The following C16orf86 variants were observed in gnomAD, a reference collection of about 807,000 sequenced individuals.
C16orf86 encodes uncharacterized protein C16orf86.
Under a neutral mutation model 21.5 loss-of-function variants are expected in C16orf86, and 19 were observed. That is an observed-to-expected ratio of 0.88 (90% confidence interval 0.62 to 1.30). The LOEUF is 1.30. C16orf86 is among the 50% of genes most tolerant of loss of function. The pLI, the probability that C16orf86 is intolerant of heterozygous loss-of-function variation, is 0.00. For synonymous variants in C16orf86, 188 were observed against 183.5 expected, an observed-to-expected ratio of 1.02 and a Z score of -0.20; for missense variants, 391 against 415.8, an observed-to-expected ratio of 0.94 and a Z score of 0.52.
rs2053139440 is a variant in C16orf86, at chr16:67,668,738, A to G, written c.*138A>G. 2 of 690,782 alleles carry G rather than the reference A, an allele frequency of 2.9e-6. No individual in the cohort carries two copies. The highest frequency in any genetic ancestry group is 1.8e-5 in the South Asian group (1 of 54,270). The allele number at this position is 690,782 out of a possible 1,614,324, so 42.8% of individuals were successfully genotyped here. On this transcript the variant is annotated 3_prime_UTR_variant, in exon 4 of 4. Coordinates refer to ENST00000403458, the MANE Select transcript of C16orf86 (RefSeq NM_001012984.3). ...GGGACTTTGGTCTTGCTGAAAATAA[A>G]TATTTTTCTTTTTCAAAGACTTTGT...
In C16orf86 at chr16:67,667,503, G is replaced by GAGAGA; in HGVS notation, c.310_311insAGAGA (p.Gly104GlufsTer77). The GAGAGA allele has an allele frequency of 6.2e-7, 1 of 1,606,628 alleles. No individual in the cohort carries two copies. Among genetic ancestry groups the GAGAGA allele is most frequent in the African/African-American group, 1.3e-5 (1 of 74,944 alleles). On this transcript the variant is annotated frameshift_variant, in exon 2 of 4. Transcript: ENST00000403458. LOFTEE classifies it high-confidence loss of function. ...GGTCTCCATTGTGAGGCCCCGTCATGGTCCAAAGAGAAAGCCTGTCAAGTG... is the reference window on the plus strand; with the variant it reads ...GGTCTCCATTGTGAGGCCCCGTCATGAGAGAGTCCAAAGAGAAAGCCTGTCAAGTG...
At position 67,668,455 on chromosome 16, in the gene C16orf86, C is replaced by A; in HGVS notation, c.809C>A (p.Ala270Asp). Residue 270 changes from alanine (A) to aspartate (D), a missense_variant, in exon 4 of 4, where the codon GCT (alanine) becomes GAT (aspartate). Ala to Asp is a moderately radical substitution (Grantham distance 126). Transcript: ENST00000403458. ...THALAPLGEE[A>D]GEEPGGLPSL... Reference sequence around the variant, plus strand: ...GCCCTGGCTCCCCTCGGAGAGGAGGCTGGAGAGGAGCCTGGGGGCTTGCCC... The same window carrying A: ...GCCCTGGCTCCCCTCGGAGAGGAGGATGGAGAGGAGCCTGGGGGCTTGCCC... 1 of 1,612,382 alleles carries A rather than the reference C, an allele frequency of 6.2e-7. No homozygotes were observed. Among genetic ancestry groups the A allele is most frequent in the Non-Finnish European group, 8.5e-7 (1 of 1,179,574 alleles).
Position 67,667,442 on chromosome 16 carries a change from T to C in C16orf86, c.249T>C (p.His83=). The C allele has an allele frequency of 6.2e-7, 1 of 1,611,832 alleles. No homozygotes were observed. Among genetic ancestry groups the C allele is most frequent in the Non-Finnish European group, 8.5e-7 (1 of 1,179,624 alleles). ...TGGGGGAGGAGCGGCCCAAGCCGCA[T>C]GCCGGGGCGCTAGAGGAGAGAGGCC... ...PKLGEERPKP[H]AGALEERGPR... The change falls in exon 2 of 4, where the codon CAT becomes CAC. Residue 83 remains histidine, a synonymous_variant. Transcript: ENST00000403458.
In C16orf86 at chr16:67,667,870, T is replaced by C; in HGVS notation, c.333-8T>C. On this transcript the variant is annotated splice_region_variant and splice_polypyrimidine_tract_variant and intron_variant, in intron 2 of 3. Coordinates refer to ENST00000403458, the MANE Select transcript of C16orf86 (RefSeq NM_001012984.3). ...GAGCCTGGCTCAAGTCTCTTGTCCCTGGCTCAGGTCTCTCAGCCTCCCGGG... is the reference window on the plus strand; with the variant it reads ...GAGCCTGGCTCAAGTCTCTTGTCCCCGGCTCAGGTCTCTCAGCCTCCCGGG... The C allele has an allele frequency of 6.4e-7, 1 of 1,562,224 alleles. No individual in the cohort carries two copies. Among genetic ancestry groups the C allele is most frequent in the Non-Finnish European group, 8.7e-7 (1 of 1,153,852 alleles).
In C16orf86 at chr16:67,668,257, T is replaced by C; in HGVS notation, c.611T>C (p.Leu204Pro). The change falls in exon 4 of 4, where the codon CTG becomes CCG. Residue 204 changes from leucine to proline, a missense_variant. Physicochemically the swap from Leu to Pro is moderately conservative, Grantham distance 98. Coordinates refer to ENST00000403458, the MANE Select transcript of C16orf86 (RefSeq NM_001012984.3). ...TACGTCAACTATTGCAACCCTGAGC[T>C]GAACCAGGCAGGGAAGGGGGACGGG... ...YQYVNYCNPELNQAGKGDGEA... is the reference protein window; with the variant it reads ...YQYVNYCNPEPNQAGKGDGEA... 1 of 1,605,984 alleles carries C rather than the reference T, an allele frequency of 6.2e-7. No homozygotes were observed. Among genetic ancestry groups the C allele is most frequent in the Middle Eastern group, 1.7e-4 (1 of 6,022 alleles).
In C16orf86 at chr16:67,668,668, T is replaced by C; in HGVS notation, c.*68T>C. 6.7e-7 allele frequency: 1 copy of C among 1,496,176 alleles called. No individual in the cohort carries two copies. Among genetic ancestry groups the C allele is most frequent in the Non-Finnish European group, 9.2e-7 (1 of 1,082,834 alleles). 92.7% of individuals were successfully genotyped at this position (1,496,176 alleles called of 1,614,324 possible). ...TTTGGCTTCAGGCTTCCTGTGGGCC[T>C]AGGCCCTCTGGTGGCGGGGGCAAAT... On this transcript the variant is annotated 3_prime_UTR_variant, in exon 4 of 4. Transcript: ENST00000403458.
rs780112536 is a variant in C16orf86 at position 67,667,956 on chromosome 16, G to A, written c.411G>A (p.Glu137=). ...ELPPKLPLQE[E]EPEDSQSEPS... The stretch of plus-strand genomic sequence containing the variant: ...CACCCAAGCTGCCGCTGCAGGAGGA[G>A]GAGCCAGAGGACAGCCAGAGTGAGC... Residue 137 remains glutamate, a synonymous_variant, in exon 3 of 4, where the codon GAG becomes GAA. Coordinates refer to ENST00000403458, the MANE Select transcript of C16orf86 (RefSeq NM_001012984.3). The A allele has an allele frequency of 1.6e-5, 26 of 1,613,278 alleles. No individual in the cohort carries two copies. Among genetic ancestry groups the A allele is most frequent in the Non-Finnish European group, 2.0e-5 (24 of 1,179,866 alleles).
chr16:67,667,639 C>T, intron 2 of C16orf86, 114 bp downstream of exon 2: 2 of 1,543,944 alleles, frequency 1.3e-6, no homozygotes, highest in South Asian at 2.4e-5. Context: ...CAGCCACTAC[C>T]ATCACTCTCC....
rs554751435 is a variant in C16orf86, at chr16:67,668,273, G to C, written c.627G>C (p.Lys209Asn). Residue 209 changes from lysine (K) to asparagine (N), a missense_variant, in exon 4 of 4, where the codon AAG becomes AAC. Coordinates refer to ENST00000403458, the MANE Select transcript of C16orf86 (RefSeq NM_001012984.3). ...YCNPELNQAG[K>N]GDGEAEVEAE... ...ACCCTGAGCTGAACCAGGCAGGGAA[G>C]GGGGACGGGGAGGCTGAGGTGGAGG... 614 of 1,609,862 alleles carry C rather than the reference G, an allele frequency of 3.8e-4. 5 individuals carry two copies. In the South Asian group the frequency reaches 6.5e-3, roughly 17 times the overall value.
At position 67,668,472 on chromosome 16, in the gene C16orf86, G is replaced by C. The variant is rs182901663; in HGVS notation, c.826G>C (p.Gly276Arg). ...AGAGGAGGCTGGAGAGGAGCCTGGG[G>C]GCTTGCCCAGCTTGGGGGTGAGTGA... is the stretch of plus-strand genomic sequence containing the variant. Reference protein sequence around the residue: ...LGEEAGEEPGGLPSLGVSDHK... With the variant: ...LGEEAGEEPGRLPSLGVSDHK... The change falls in exon 4 of 4, where the codon GGC becomes CGC. Residue 276 changes from glycine (G) to arginine (R), a missense_variant. Transcript: ENST00000403458. 1,677 of 1,613,062 alleles carry C rather than the reference G, an allele frequency of 1.0e-3. 41 individuals carry two copies. In the East Asian group the frequency reaches 0.027, roughly 26 times the overall value.
chr16:67,667,683 G>T, intron 2 of C16orf86, 158 bp downstream of exon 2: 1 of 1,535,754 alleles, frequency 6.5e-7, no homozygotes. Flanking sequence ...GTAGGGAGCA[G>T]CAGGAGAGTG....
At chr16:67,667,813 T>G (rs2053125201) in intron 2 of C16orf86, 65 bp from the exon 3 acceptor site, 1 of 1,519,648 alleles carries the variant, frequency 6.6e-7, no homozygotes, top group African/African-American at 1.4e-5. Context: ...GGCTGGGCTA[T>G]TCCCTGGGCC....
At chr16:67,667,751 G>A (rs1431231621) in intron 2 of C16orf86, 127 bp from the exon 3 acceptor site, 31 of 1,515,214 alleles carry the variant, frequency 2.0e-5, no homozygotes, top group African/African-American at 2.8e-5. Context: ...CTTGGGCCTG[G>A]GGTCTCATTG....
rs1452586082 is a variant in C16orf86 at position 67,666,990 on chromosome 16, A to AG, written c.21dup (p.Arg8GlufsTer41). ...GCAGCCATGGCCTCGGCAGGGGCGGAGAGGCGGCCGGGGGTCCAGGAGGCG... is the reference window on the plus strand; with the variant it reads ...GCAGCCATGGCCTCGGCAGGGGCGGAGGAGGCGGCCGGGGGTCCAGGAGGCG... On this transcript the variant is annotated frameshift_variant, in exon 1 of 4. Coordinates refer to ENST00000403458, the MANE Select transcript of C16orf86 (RefSeq NM_001012984.3). LOFTEE classifies it high-confidence loss of function. The AG allele has an allele frequency of 6.9e-6, 10 of 1,452,716 alleles. No individual in the cohort carries two copies. In the Admixed American group the frequency reaches 1.1e-4, roughly 16 times the overall value. The allele number at this position is 1,452,716 out of a possible 1,614,324, so 90.0% of individuals were successfully genotyped here.
Position 67,667,789 on chromosome 16 carries a change from T to C in C16orf86, c.333-89T>C. 6.6e-6 allele frequency: 10 copies of C among 1,519,478 alleles called. No individual in the cohort carries two copies. The East Asian group carries it at 9.9e-5, about 15-fold the overall frequency. 94.1% of individuals were successfully genotyped at this position (1,519,478 alleles called of 1,614,324 possible). ...CAGGAACGGGACAGGCGTCGAGCCC[T>C]GGGGCTGTGGGCAGGCTGGGCTATT... On this transcript the variant is annotated intron_variant, in intron 2 of 3. Transcript: ENST00000403458.
chr16:67,666,825 C>G lies in C16orf86; in HGVS notation c.-146C>G. 1.9e-6 allele frequency: 1 copy of G among 539,862 alleles called. No individual in the cohort carries two copies. Among genetic ancestry groups the G allele is most frequent in the Non-Finnish European group, 3.1e-6 (1 of 324,570 alleles). The allele number at this position is 539,862 out of a possible 1,614,324, so 33.4% of individuals were successfully genotyped here. On this transcript the variant is annotated 5_prime_UTR_variant, in exon 1 of 4. Transcript: ENST00000403458. The stretch of plus-strand genomic sequence containing the variant: ...GCGTCCTGGGGCTTGTAGTTTCGGC[C>G]GAGGGTGGGCTCCGCGGTCGCCGGT...
In C16orf86 at chr16:67,667,539, C is replaced by CG; in HGVS notation, c.332+20dup. On this transcript the variant is annotated intron_variant, in intron 2 of 3. Coordinates refer to ENST00000403458, the MANE Select transcript of C16orf86 (RefSeq NM_001012984.3). ...AAAGCCTGTCAAGTGAGGGGGCTCT[C>CG]GGGGGGAAGGAGCTGCAGCCCCGGG... is the stretch of plus-strand genomic sequence containing the variant. 4 of 1,588,208 alleles carry CG rather than the reference C, an allele frequency of 2.5e-6. No individual in the cohort carries two copies. The highest frequency in any genetic ancestry group is 2.3e-5 in the South Asian group (2 of 88,172).
Position 67,668,492 on chromosome 16 carries a change from G to T in C16orf86, c.846G>T (p.Val282=). 1 of 1,613,174 alleles carries T rather than the reference G, an allele frequency of 6.2e-7. No individual in the cohort carries two copies. The highest frequency in any genetic ancestry group is 8.5e-7 in the Non-Finnish European group (1 of 1,179,820). ...CTGGGGGCTTGCCCAGCTTGGGGGT[G>T]AGTGACCACAAGGCCGAGGTGGATA... ...EEPGGLPSLG[V]SDHKAEVDKS... is the part of the protein sequence containing the mutation. Residue 282 remains valine (V), a synonymous_variant, in exon 4 of 4, where the codon GTG becomes GTT. Coordinates refer to ENST00000403458, the MANE Select transcript of C16orf86 (RefSeq NM_001012984.3).
At chr16:67,667,771 G>A (rs1223289935) in intron 2 of C16orf86, 107 bp from the exon 3 acceptor site, 10 of 1,516,988 alleles carry the variant, frequency 6.6e-6, no homozygotes, top group Middle Eastern at 3.5e-4. Context: ...GACCAGGAAC[G>A]GGACAGGCGT....
Sources: allele counts gnomAD v4.1 joint callset, GRCh38; gene constraint gnomAD v4.1.1; transcripts MANE v1.5; gene names NCBI Gene and HGNC (gene_info 2026-07-23, HGNC 2026-07-21).